The following FBXO42 variants were observed in gnomAD, a reference collection of about 807,000 sequenced individuals.
FBXO42 encodes the protein F-box protein 42.
A neutral mutation model predicts 71.7 loss-of-function variants in FBXO42; 12 were observed. The observed-to-expected ratio is 0.17, with a 90% CI of 0.11 to 0.27. FBXO42 has a LOEUF of 0.27. FBXO42 is among the 10% of genes least tolerant of loss of function. FBXO42 has a pLI of 1.00. For missense variants in FBXO42, 707 were observed against 911.9 expected (o/e 0.78, Z 2.89); for synonymous variants, 325 against 327.5 (o/e 0.99, Z 0.08).
At chr1:16,335,063 C>CCAAA (rs759429592) in intron 1 of FBXO42, among the ~76,000 whole-genome samples, 7 of 69,024 alleles carry the variant, frequency 1.0e-4, no homozygotes, top group Admixed American at 4.3e-4. Flanking sequence ...CTCGTCTGTA[C>CCAAA]AAAAAAAAAA....
At chr1:16,301,619 C>A (rs1048301105) in intron 3 of FBXO42, among the ~76,000 whole-genome samples, 1 of 149,216 alleles carries the variant, frequency 6.7e-6, no homozygotes, top group African/African-American at 2.5e-5. Context: ...GCCAAGACCG[C>A]GCCACTGCAC....
At chr1:16,280,489 T>C (rs1381840560) in intron 4 of FBXO42, among the ~76,000 whole-genome samples, 3 of 152,088 alleles carry the variant, frequency 2.0e-5, no homozygotes, top group Non-Finnish European at 2.9e-5. Context: ...CCAATATTGG[T>C]TTATCATTAT....
intron 4 of FBXO42, among the ~76,000 whole-genome samples, chr1:16,280,452 G>A (rs2081951096): frequency 6.6e-6 from 1 of 152,308 alleles, no homozygotes; most frequent in South Asian, 2.1e-4. Flanking sequence ...TCTGAATAGT[G>A]TATGCATTTT....
At chr1:16,280,706 T>C (rs1569852930) in intron 4 of FBXO42, among the ~76,000 whole-genome samples, 1 of 151,622 alleles carries the variant, frequency 6.6e-6, no homozygotes, top group African/African-American at 2.4e-5. Context: ...ACCCCGGAGG[T>C]CAAGGCTGCA....
intron 3 of FBXO42, among the ~76,000 whole-genome samples, chr1:16,303,795 G>A (rs2082221807): frequency 6.6e-6 from 1 of 152,168 alleles, no homozygotes; most frequent in Non-Finnish European, 1.5e-5. Context: ...ACCGAGGCTA[G>A]AGTGCAGTGG....
At chr1:16,306,034 T>C (rs897465276) in intron 2 of FBXO42, 115 bp from the exon 3 acceptor site, 30 of 782,652 alleles carry the variant, frequency 3.8e-5, no homozygotes, top group Non-Finnish European at 5.1e-5. Flanking sequence ...TTTTTTTTTC[T>C]TTTTTTGAGA....
rs59077549 is a variant in FBXO42, at chr1:16,344,486, CTTTTT to C, written c.-18+7764_-18+7768del. 3.4e-5 allele frequency among the ~76,000 whole-genome samples: 3 copies of C among 87,162 alleles called. No individual in the cohort carries two copies. The East Asian group carries it at 1.1e-3, about 31-fold the overall frequency. The allele number at this position is 87,162 out of a possible 152,430, so 57.2% of individuals were successfully genotyped here. On this transcript the variant is annotated intron_variant, in intron 1 of 9. Transcript: ENST00000375592. Reference sequence around the variant, plus strand: ...GGCACATACCACCACACCCAGCTAACTTTTTTTTTTTTTTTTTTTTGTATTTTTTA... The same window carrying C: ...GGCACATACCACCACACCCAGCTAACTTTTTTTTTTTTTTTGTATTTTTTA...
intron 1 of FBXO42, among the ~76,000 whole-genome samples, chr1:16,341,589 C>A (rs1324815883): frequency 1.5e-5 from 2 of 130,768 alleles, no homozygotes; most frequent in Non-Finnish European, 3.1e-5. Context: ...GCCTGGGCAA[C>A]CAAGTGAGAC....
chr1:16,298,199 C>A (rs2082152757), intron 3 of FBXO42, among the ~76,000 whole-genome samples: 3 of 152,204 alleles, frequency 2.0e-5, no homozygotes, highest in Admixed American at 2.0e-4. Context: ...GCACCCCAGC[C>A]TGGGCGATAG....
At chr1:16,345,362 G>T (rs1472601654) in intron 1 of FBXO42, among the ~76,000 whole-genome samples, 1 of 152,060 alleles carries the variant, frequency 6.6e-6, no homozygotes, top group African/African-American at 2.4e-5. Context: ...GGCGGAGGTT[G>T]CAGTGAGCTG....
At chr1:16,327,252 C>A (rs957032377) in intron 1 of FBXO42, among the ~76,000 whole-genome samples, 1 of 152,150 alleles carries the variant, frequency 6.6e-6, no homozygotes, top group Non-Finnish European at 1.5e-5. Context: ...CTTCACTGAA[C>A]CGTACTTTCA....
chr1:16,346,743 TG>T, intron 1 of FBXO42, among the ~76,000 whole-genome samples: 1 of 144,496 alleles, frequency 6.9e-6, no homozygotes, highest in Non-Finnish European at 1.5e-5. Flanking sequence ...ATTACTGTAC[TG>T]AACAGTACAT....
intron 3 of FBXO42, among the ~76,000 whole-genome samples, chr1:16,301,687 C>CA (rs55775430): frequency 0.27 from 35,813 of 132,848 alleles, 5,569 homozygotes; most frequent in Non-Finnish European, 0.36. Flanking sequence ...AAAAAAACAA[C>CA]AAAAAAAAAA....
intron 4 of FBXO42, chr1:16,293,001 A>T (rs2082095421): frequency 6.6e-6 from 1 of 152,298 alleles, no homozygotes; most frequent in Non-Finnish European, 1.5e-5. Context: ...AAAACAAAAC[A>T]GAAGCTGTAA....
chr1:16,352,101 T>C (rs2082707339), intron 1 of FBXO42, among the ~76,000 whole-genome samples, 154 bp downstream of exon 1: 1 of 152,110 alleles, frequency 6.6e-6, no homozygotes, highest in South Asian at 2.1e-4. Flanking sequence ...AGGACGGCGA[T>C]AGCAAGTCAC....
At chr1:16,343,054 A>G (rs2082621768) in intron 1 of FBXO42, among the ~76,000 whole-genome samples, 1 of 152,178 alleles carries the variant, frequency 6.6e-6, no homozygotes, top group Non-Finnish European at 1.5e-5. Context: ...TTTTCTTTAT[A>G]TAATAAATTA....
intron 6 of FBXO42, 85 bp downstream of exon 6, chr1:16,255,626 A>G: frequency 8.7e-7 from 1 of 1,143,640 alleles, no homozygotes; most frequent in South Asian, 1.5e-5. Context: ...TGAATTAGGC[A>G]CCTGGTCCCT....
chr1:16,314,768 C>T (rs1200017304), intron 2 of FBXO42, among the ~76,000 whole-genome samples: 1 of 151,922 alleles, frequency 6.6e-6, no homozygotes, highest in African/African-American at 2.4e-5. Flanking sequence ...CCTGTAGTCC[C>T]AGCTACTCTG....
At chr1:16,268,495 G>A (rs935065929) in intron 4 of FBXO42, among the ~76,000 whole-genome samples, 3 of 152,164 alleles carry the variant, frequency 2.0e-5, no homozygotes, top group Admixed American at 1.3e-4. Context: ...ACCATCACAG[G>A]TCCAGGTTGT....
Sources: allele counts gnomAD v4.1 joint callset (sites outside exome capture counted in the v4.1 genomes callset), GRCh38; gene constraint gnomAD v4.1.1; transcripts MANE v1.5; gene names NCBI Gene and HGNC (gene_info 2026-07-23, HGNC 2026-07-21).